NDUFAF6: variants seen among roughly 807,000 people sequenced by gnomAD.
NDUFAF6 encodes the protein NADH dehydrogenase (ubiquinone) complex I, assembly factor 6.
A neutral mutation model predicts 40.8 loss-of-function variants in NDUFAF6; 45 were observed. That is an observed-to-expected ratio of 1.10 (90% CI 0.87 to 1.42). The LOEUF (loss-of-function observed/expected upper bound fraction) is 1.42, where lower values mean the gene tolerates loss of function less well. NDUFAF6 is among the 40% of genes most tolerant of loss of function. The probability of loss-of-function intolerance (pLI) is 0.00; values close to 1 mark genes in which losing one functional copy is unlikely to be tolerated. For synonymous variants in NDUFAF6, 185 were observed against 155.9 expected (o/e 1.19, Z -1.39); for missense variants, 435 against 418.5 (o/e 1.04, Z -0.34).
At chr8:94,941,454 TC>T (rs1474517475) in intron 1 of NDUFAF6, among the ~76,000 whole-genome samples, 3 of 152,188 alleles carry the variant, frequency 2.0e-5, no homozygotes, top group Non-Finnish European at 4.4e-5. Flanking sequence ...TGCTCAGAAG[TC>T]CCAGCAACAG....
At chr8:94,980,442 G>GTTTTTTTT (rs869184585) in intron 1 of NDUFAF6, among the ~76,000 whole-genome samples, 102 of 107,864 alleles carry the variant, frequency 9.5e-4, no homozygotes, top group Non-Finnish European at 1.3e-3. Flanking sequence ...TGGTTTTTTT[G>GTTTTTTTT]TTTTTTTTTT....
At chr8:95,012,326 A>G (rs1827258306) in intron 2 of NDUFAF6, among the ~76,000 whole-genome samples, 1 of 152,058 alleles carries the variant, frequency 6.6e-6, no homozygotes, top group Admixed American at 6.6e-5. Flanking sequence ...ATGCTCATTT[A>G]ATTTACCATT....
intron 2 of NDUFAF6, among the ~76,000 whole-genome samples, chr8:95,086,970 G>T (rs1809069456): frequency 2.6e-5 from 4 of 152,098 alleles, no homozygotes. Flanking sequence ...CCCTGCAGGG[G>T]TGATGGGCAC....
At chr8:95,013,574 C>A (rs1827314758) in intron 2 of NDUFAF6, among the ~76,000 whole-genome samples, 1 of 152,236 alleles carries the variant, frequency 6.6e-6, no homozygotes. Context: ...TATTCACTCA[C>A]TTAACAGATA....
downstream of NDUFAF6, among the ~76,000 whole-genome samples, chr8:95,059,848 C>CA (rs892879610): frequency 3.8e-4 from 56 of 146,750 alleles, no homozygotes; most frequent in African/African-American, 1.1e-3. Flanking sequence ...GATTCCATCT[C>CA]AAAAAAAAAG....
chr8:94,958,522 CTTTTTTTTTT>C lies in NDUFAF6; in HGVS notation c.-199+364_-199+373del, dbSNP rs55703438. ...CCCTATCTCCACACATAGTCACATT[CTTTTTTTTTT>C]TTTTTTTTTTTTTTTTTTTTGAGAT... On this transcript the variant is annotated intron_variant, in intron 1 of 9. Transcript: ENST00000396111. 9.3e-3 allele frequency among the ~76,000 whole-genome samples: 660 copies of C among 71,264 alleles called. 4 individuals are homozygous for C. The highest frequency in any genetic ancestry group is 0.034 in the African/African-American group (576 of 16,936). 46.8% of individuals were successfully genotyped at this position (71,264 alleles called of 152,430 possible).
upstream of NDUFAF6, chr8:95,024,891 G>T (rs192367687): frequency 1.4e-4 from 123 of 868,834 alleles, no homozygotes; most frequent in African/African-American, 1.8e-3. Flanking sequence ...TTCTTTGAGC[G>T]GCGTCCAGAG....
intron 1 of NDUFAF6, among the ~76,000 whole-genome samples, chr8:94,907,068 G>A (rs1452974301): frequency 6.6e-6 from 1 of 152,152 alleles, no homozygotes; most frequent in East Asian, 1.9e-4. Flanking sequence ...AGCTTTCCTG[G>A]CAAGTGAGAG....
chr8:95,021,227 C>A (rs1827680980), upstream of NDUFAF6, among the ~76,000 whole-genome samples: 1 of 151,926 alleles, frequency 6.6e-6, no homozygotes, highest in African/African-American at 2.4e-5. Flanking sequence ...TCTGTAGAGG[C>A]CGTAGGTGGC....
At chr8:94,983,379 C>A (rs1224408407) in intron 2 of NDUFAF6, among the ~76,000 whole-genome samples, 1 of 148,502 alleles carries the variant, frequency 6.7e-6, no homozygotes, top group Non-Finnish European at 1.5e-5. Flanking sequence ...ATTCTCCTGT[C>A]TCAGCCTCCT....
At chr8:95,053,454 A>G (rs573057862) in intron 8 of NDUFAF6, among the ~76,000 whole-genome samples, 1 of 152,212 alleles carries the variant, frequency 6.6e-6, no homozygotes, top group African/African-American at 2.4e-5. Context: ...ACTTTGTTTT[A>G]TTAACTTCTG....
chr8:94,910,732 T>C (rs917121572), intron 1 of NDUFAF6, among the ~76,000 whole-genome samples: 2 of 152,238 alleles, frequency 1.3e-5, no homozygotes, highest in Non-Finnish European at 2.9e-5. Context: ...TAATATCACT[T>C]TTCATTTAGT....
At chr8:95,091,262 A>G (rs1809240618) in intron 2 of NDUFAF6, among the ~76,000 whole-genome samples, 1 of 152,116 alleles carries the variant, frequency 6.6e-6, no homozygotes, top group South Asian at 2.1e-4. Flanking sequence ...GAAACTTACA[A>G]TCATGGTGGA....
At chr8:95,016,697 G>T (rs1428385069) in intron 2 of NDUFAF6, among the ~76,000 whole-genome samples, 1 of 152,104 alleles carries the variant, frequency 6.6e-6, no homozygotes, top group Non-Finnish European at 1.5e-5. Context: ...AGCTGAGATT[G>T]CGCCATTGCA....
In NDUFAF6 at chr8:95,047,107, C is replaced by A. The variant is rs1193998170; in HGVS notation, c.694C>A (p.Pro232Thr). 1 of 1,614,112 alleles carries A rather than the reference C, an allele frequency of 6.2e-7. No individual in the cohort carries two copies. The highest frequency in any genetic ancestry group is 1.7e-5 in the Admixed American group (1 of 60,018). Residue 232 changes from proline to threonine, a missense_variant, in exon 6 of 9, where the codon CCC becomes ACC. Coordinates refer to ENST00000396124, the MANE Select transcript of NDUFAF6 (RefSeq NM_152416.4). Reference sequence around the variant, plus strand: ...TGGGAGCAGAAGAAAGGTGTTCCTTCCCATGGATATTTGTATGCTGGTAAG... The same window carrying A: ...TGGGAGCAGAAGAAAGGTGTTCCTTACCATGGATATTTGTATGCTGGTAAG... Reference protein sequence around the residue: ...YHGSRRKVFLPMDICMLHGVS... With the variant: ...YHGSRRKVFLTMDICMLHGVS...
chr8:95,030,896 A>G (rs1374402005), intron 1 of NDUFAF6, among the ~76,000 whole-genome samples: 1 of 152,240 alleles, frequency 6.6e-6, no homozygotes, highest in Non-Finnish European at 1.5e-5. Flanking sequence ...GTGGCAGAAG[A>G]CGAAGGGGAG....
intron 4 of NDUFAF6, chr8:95,044,458 T>TC (rs1350508590): frequency 6.7e-5 from 10 of 148,734 alleles, no homozygotes; most frequent in South Asian, 2.2e-4. Context: ...TTTCTTTTTT[T>TC]TTTTTTTTTT....
chr8:95,076,006 G>C (rs1439299554), exon 10 of NDUFAF6: 1 of 229,274 alleles, frequency 4.4e-6, no homozygotes, highest in African/African-American at 2.3e-5. Context: ...AAAGAGTGGT[G>C]ACTCACCTCT....
At chr8:95,097,657 C>G (rs749745767), upstream of NDUFAF6, among the ~76,000 whole-genome samples, 1 of 152,156 alleles carries the variant, frequency 6.6e-6, no homozygotes, top group Admixed American at 6.5e-5. Flanking sequence ...TGAGATCACG[C>G]CATTGCACTC....
Sources: gnomAD v4.1 joint callset for allele counts (sites outside exome capture counted in the v4.1 genomes callset) on GRCh38, gnomAD v4.1.1 for gene constraint, MANE v1.5 for transcripts, NCBI Gene and HGNC (gene_info 2026-07-23, HGNC 2026-07-21) for gene names.